LIPN: variants seen among roughly 807,000 people sequenced by gnomAD.
The protein encoded by LIPN is lipase family member N.
In LIPN, 32 loss-of-function variants were observed where a neutral mutation model predicts 43.7. That is an observed-to-expected ratio of 0.73 (90% CI 0.55 to 0.98). The LOEUF (loss-of-function observed/expected upper bound fraction) is 0.98. Ranked by LOEUF, LIPN falls within the 50% of genes least tolerant of loss-of-function variation. LIPN has a pLI of 0.00. For missense variants in LIPN, 505 were observed against 483.8 expected, an observed-to-expected ratio of 1.04 and a Z score of -0.41; for synonymous variants, 156 against 157.6, an observed-to-expected ratio of 0.99 and a Z score of 0.08.
intron 9 of LIPN, among the ~76,000 whole-genome samples, chr10:88,776,656 C>A (rs949233604): frequency 6.6e-6 from 1 of 152,054 alleles, no homozygotes; most frequent in Middle Eastern, 3.2e-3. Context: ...AGAGAATTAA[C>A]CCATGTAAGC....
At chr10:88,776,307 C>G (rs1421750499) in intron 9 of LIPN, among the ~76,000 whole-genome samples, 1 of 151,978 alleles carries the variant, frequency 6.6e-6, no homozygotes, top group East Asian at 1.9e-4. Flanking sequence ...AGTAAAGGAC[C>G]CTCATTTTGG....
intron 2 of LIPN, 151 bp from the exon 3 acceptor site, chr10:88,762,037 G>T: frequency 1.0e-5 from 5 of 491,310 alleles, no homozygotes; most frequent in East Asian, 3.0e-5. Flanking sequence ...TACTTATTTT[G>T]TATTAAGACT....
intron 3 of LIPN, among the ~76,000 whole-genome samples, chr10:88,763,560 T>A (rs1005684655): frequency 5.9e-5 from 9 of 152,040 alleles, no homozygotes; most frequent in African/African-American, 2.2e-4. Flanking sequence ...AATGATGAAA[T>A]TAAGGCACAA....
At chr10:88,769,599 C>A (rs1843172465) in intron 6 of LIPN, 1 of 983,546 alleles carries the variant, frequency 1.0e-6, no homozygotes, top group South Asian at 4.7e-5. Flanking sequence ...TCCAGATTGG[C>A]CTTTGAACTT....
intron 5 of LIPN, among the ~76,000 whole-genome samples, chr10:88,766,749 A>G (rs1340083034): frequency 1.3e-5 from 2 of 152,002 alleles, no homozygotes; most frequent in Non-Finnish European, 1.5e-5. Context: ...ATAAATGTGC[A>G]TCAATCATCT....
Position 88,767,644 on chromosome 10 carries a change from C to CAAAAAAA in LIPN, c.536-1106_536-1100dup, listed in dbSNP as rs61646268. Among the ~76,000 whole-genome samples, 38 of 61,512 alleles carry CAAAAAAA rather than the reference C, an allele frequency of 6.2e-4. 6 individuals are homozygous for CAAAAAAA. Among genetic ancestry groups the CAAAAAAA allele is most frequent in the Non-Finnish European group, 9.0e-4 (30 of 33,212 alleles). 40.4% of individuals were successfully genotyped at this position (61,512 alleles called of 152,430 possible). ...TAGATATGCTCTTATACTTGATCTG[C>CAAAAAAA]AAAAAAAAAAAAAAAAAAAAAAAAA... On this transcript the variant is annotated intron_variant, in intron 5 of 9. Transcript: ENST00000404459.
chr10:88,769,935 G>A (rs74147275), intron 6 of LIPN, among the ~76,000 whole-genome samples: 182 of 151,998 alleles, frequency 1.2e-3, no homozygotes, highest in African/African-American at 4.3e-3. Flanking sequence ...TATTTGGACA[G>A]TGTGAGCAAA....
At chr10:88,777,393 A>T (rs1357801274) in intron 9 of LIPN, among the ~76,000 whole-genome samples, 1 of 151,924 alleles carries the variant, frequency 6.6e-6, no homozygotes, top group African/African-American at 2.4e-5. Flanking sequence ...TCTATGGCTT[A>T]TCTAGATTTT....
chr10:88,764,542 G>A lies in LIPN; in HGVS notation c.359G>A (p.Arg120Gln), dbSNP rs540908678. 7.4e-6 allele frequency: 12 copies of A among 1,611,780 alleles called. No individual in the cohort carries two copies. Among genetic ancestry groups the A allele is most frequent in the East Asian group, 2.2e-5 (1 of 44,766 alleles). The change falls in exon 4 of 10, where the codon CGG (arginine) becomes CAG (glutamine). Residue 120 changes from arginine (R) to glutamine (Q), a missense_variant. Physicochemically the swap from Arg to Gln is conservative, Grantham distance 43 (BLOSUM62 1). Transcript: ENST00000404459. ...TATGATGTATGGATGGGAAACAGTCGGGGAAACACTTGGTCAAGAAGACAC... is the reference window on the plus strand; with the variant it reads ...TATGATGTATGGATGGGAAACAGTCAGGGAAACACTTGGTCAAGAAGACAC... ...AGYDVWMGNS[R>Q]GNTWSRRHKT...
Position 88,761,457 on chromosome 10 carries a change from G to T in LIPN, c.52G>T (p.Ala18Ser). The change falls in exon 2 of 10, where the codon GCT becomes TCT. Residue 18 changes from alanine (A) to serine (S), a missense_variant. Ala to Ser is a moderately conservative substitution (Grantham distance 99). Coordinates refer to ENST00000404459, the MANE Select transcript of LIPN (RefSeq NM_001102469.2). ...TTGTTTGATCTGTGGAACTTTAAAT[G>T]CTGGTGGATTCCTTGATTTGGAAAA... ...TTCLICGTLN[A>S]GGFLDLENEV... is the part of the protein sequence containing the mutation. 1 of 1,612,442 alleles carries T rather than the reference G, an allele frequency of 6.2e-7. No individual in the cohort carries two copies. Among genetic ancestry groups the T allele is most frequent in the Non-Finnish European group, 8.5e-7 (1 of 1,179,006 alleles).
At chr10:88,761,279 T>C in intron 1 of LIPN, 119 bp from the exon 2 acceptor site, 1 of 672,250 alleles carries the variant, frequency 1.5e-6, no homozygotes, top group Non-Finnish European at 2.7e-6. Context: ...TTATACATTA[T>C]CTGCCTTCGG....
At chr10:88,761,828 A>T (rs1327587315) in intron 2 of LIPN, among the ~76,000 whole-genome samples, 1 of 151,586 alleles carries the variant, frequency 6.6e-6, no homozygotes. Flanking sequence ...TTTTGAATTT[A>T]TGTTTTAAGA....
chr10:88,776,197 T>C (rs1208306485), intron 9 of LIPN, among the ~76,000 whole-genome samples: 1 of 151,938 alleles, frequency 6.6e-6, no homozygotes, highest in East Asian at 1.9e-4. Flanking sequence ...ATGCGTGTAT[T>C]TGCAAATGCT....
At chr10:88,768,053 C>T (rs1210209265) in intron 5 of LIPN, among the ~76,000 whole-genome samples, 2 of 138,726 alleles carry the variant, frequency 1.4e-5, no homozygotes, top group Non-Finnish European at 3.1e-5. Flanking sequence ...CACACACACA[C>T]ACACACACAT....
chr10:88,770,212 T>C (rs1304427990), intron 6 of LIPN, among the ~76,000 whole-genome samples: 3 of 151,846 alleles, frequency 2.0e-5, no homozygotes, highest in Non-Finnish European at 4.4e-5. Flanking sequence ...GAAGTTTCAA[T>C]TGTGCTGCCT....
At chr10:88,769,687 A>G in intron 6 of LIPN, 1 of 558,230 alleles carries the variant, frequency 1.8e-6, no homozygotes, top group Admixed American at 6.4e-5. Flanking sequence ...ATTCATATAT[A>G]AGAAAATGAG....
intron 7 of LIPN, among the ~76,000 whole-genome samples, chr10:88,771,247 T>G (rs1843203843): frequency 6.6e-6 from 1 of 151,826 alleles, no homozygotes; most frequent in African/African-American, 2.4e-5. Context: ...CCTCAAGCAT[T>G]TATCATTTCT....
intron 6 of LIPN, among the ~76,000 whole-genome samples, chr10:88,769,917 G>A: frequency 6.6e-6 from 1 of 151,820 alleles, no homozygotes; most frequent in Non-Finnish European, 1.5e-5. Flanking sequence ...AGGTTTTAAT[G>A]TTTTCTATAT....
At position 88,768,850 on chromosome 10, in the gene LIPN, C is replaced by T; in HGVS notation, c.594C>T (p.Ala198=). 6.2e-7 allele frequency: 1 copy of T among 1,611,550 alleles called. No homozygotes were observed. Among genetic ancestry groups the T allele is most frequent in the Admixed American group, 1.7e-5 (1 of 59,762 alleles). The part of the protein sequence containing the change: ...ELAQRIKMNF[A]LGPTISFKYP... ...CACAAAGAATCAAAATGAATTTTGCCTTGGGTCCTACGATCTCATTCAAAT... is the reference window on the plus strand; with the variant it reads ...CACAAAGAATCAAAATGAATTTTGCTTTGGGTCCTACGATCTCATTCAAAT... The change falls in exon 6 of 10, where the codon GCC becomes GCT. Residue 198 remains alanine (A), a synonymous_variant. Coordinates refer to ENST00000404459, the MANE Select transcript of LIPN (RefSeq NM_001102469.2).
Sources: gnomAD v4.1 joint callset for allele counts (sites outside exome capture counted in the v4.1 genomes callset) on GRCh38, gnomAD v4.1.1 for gene constraint, MANE v1.5 for transcripts, NCBI Gene and HGNC (gene_info 2026-07-23, HGNC 2026-07-21) for gene names.